Variants in CMSS1 observed in about 807,000 individuals in gnomAD.
CMSS1 encodes cms1 ribosomal small subunit homolog.
In CMSS1, 33 loss-of-function variants were observed where a neutral mutation model predicts 43.5. The observed-to-expected ratio is 0.76, with a 90% CI of 0.57 to 1.01. The LOEUF (loss-of-function observed/expected upper bound fraction) is 1.01. Ranked by LOEUF, CMSS1 falls within the 50% of genes least tolerant of loss-of-function variation. CMSS1 has a pLI of 0.00. For synonymous variants in CMSS1, 115 were observed against 117.2 expected (o/e 0.98, Z 0.12); for missense variants, 313 against 326.4 (o/e 0.96, Z 0.32).
At position 99,880,140 on chromosome 3, in the gene CMSS1, A is replaced by G. The variant is rs561456171; in HGVS notation, c.64+62097A>G. On this transcript the variant is annotated intron_variant, in intron 1 of 9. Transcript: ENST00000421999. The stretch of plus-strand genomic sequence containing the variant: ...CTGAAGGGACCTGTAGGCAACTGTG[A>G]ATGTGGAGCCAAAGGGGATGTCTGT... 2.0e-5 allele frequency among the ~76,000 whole-genome samples: 3 copies of G among 152,234 alleles called. No individual in the cohort carries two copies. In the South Asian group the frequency reaches 6.2e-4, roughly 32 times the overall value.
chr3:99,827,049 T>C (rs1390272910), intron 1 of CMSS1, among the ~76,000 whole-genome samples: 1 of 152,238 alleles, frequency 6.6e-6, no homozygotes, highest in South Asian at 2.1e-4. Flanking sequence ...TTGTGTTACA[T>C]ATAGGTCAGA....
rs755088218 is a variant in CMSS1 at position 99,848,935 on chromosome 3, G to A, written c.64+30892G>A. On this transcript the variant is annotated intron_variant, in intron 1 of 9. Transcript: ENST00000421999. ...TGGACTTGTGATTTCAAGAGTGGCT[G>A]TGTTTTGTACATGGTCTGGAGTAAC... 3 of 1,614,180 alleles carry A rather than the reference G, an allele frequency of 1.9e-6. No homozygotes were observed. In the South Asian group the frequency reaches 3.3e-5, roughly 18 times the overall value.
intron 5 of CMSS1, among the ~76,000 whole-genome samples, chr3:100,167,071 C>T (rs1251726928): frequency 6.6e-6 from 1 of 152,074 alleles, no homozygotes; most frequent in African/African-American, 2.4e-5. Flanking sequence ...TATATGTAGC[C>T]AGCAGTAATT....
At chr3:99,898,611 C>CA in intron 1 of CMSS1, 1 of 191,494 alleles carries the variant, frequency 5.2e-6, no homozygotes, top group Non-Finnish European at 1.1e-5. Flanking sequence ...TACAAAAATA[C>CA]AAAAACTAGC....
intron 1 of CMSS1, among the ~76,000 whole-genome samples, chr3:100,006,516 A>G (rs1709990961): frequency 6.6e-6 from 1 of 152,096 alleles, no homozygotes; most frequent in African/African-American, 2.4e-5. Flanking sequence ...CCTTTTAAAA[A>G]AAGTATTTTT....
At chr3:100,164,171 T>C (rs16841958) in intron 4 of CMSS1, among the ~76,000 whole-genome samples, 4,135 of 152,308 alleles carry the variant, frequency 0.027, 126 homozygotes, top group East Asian at 0.17. Flanking sequence ...CCACGGCCTC[T>C]GCTGTGAAAA....
intron 2 of CMSS1, among the ~76,000 whole-genome samples, chr3:100,152,095 A>G (rs1284298364): frequency 6.6e-6 from 1 of 152,196 alleles, no homozygotes; most frequent in Non-Finnish European, 1.5e-5. Context: ...AAGGCCATCC[A>G]AGCAAATATC....
At chr3:100,086,994 A>G (rs865977829) in intron 1 of CMSS1, among the ~76,000 whole-genome samples, 5 of 152,220 alleles carry the variant, frequency 3.3e-5, no homozygotes, top group Non-Finnish European at 7.4e-5. Context: ...AGCAGAATGT[A>G]CTTGAGATAC....
At chr3:100,093,110 A>G (rs1455640605) in intron 1 of CMSS1, among the ~76,000 whole-genome samples, 1 of 152,142 alleles carries the variant, frequency 6.6e-6, no homozygotes, top group Non-Finnish European at 1.5e-5. Flanking sequence ...TTTAAAAGAA[A>G]AGGTTAGCTC....
intron 1 of CMSS1, among the ~76,000 whole-genome samples, chr3:99,905,819 A>G (rs1220712185): frequency 2.0e-5 from 3 of 152,238 alleles, no homozygotes; most frequent in Admixed American, 6.5e-5. Context: ...AACTTCATAT[A>G]AATGGAATTT....
intron 1 of CMSS1, among the ~76,000 whole-genome samples, chr3:100,115,986 A>G (rs2066564718): frequency 6.6e-6 from 1 of 152,178 alleles, no homozygotes; most frequent in Non-Finnish European, 1.5e-5. Context: ...TACGTTTTGT[A>G]GAATGTTCCT....
intron 1 of CMSS1, among the ~76,000 whole-genome samples, chr3:99,855,539 G>A (rs1331260441): frequency 2.0e-5 from 3 of 152,110 alleles, no homozygotes; most frequent in African/African-American, 7.2e-5. Context: ...GGCTCACAAA[G>A]GTCAAGAAGG....
intron 1 of CMSS1, among the ~76,000 whole-genome samples, chr3:99,949,514 C>T (rs1303906413): frequency 6.6e-6 from 1 of 152,140 alleles, no homozygotes; most frequent in African/African-American, 2.4e-5. Context: ...CAATTTTACT[C>T]GCAGTACGTT....
chr3:100,047,796 G>A (rs921721135), intron 1 of CMSS1, among the ~76,000 whole-genome samples: 1 of 151,964 alleles, frequency 6.6e-6, no homozygotes, highest in African/African-American at 2.4e-5. Flanking sequence ...GTGGCTGTGC[G>A]TCTGGGCCTC....
chr3:100,160,632 G>A, intron 3 of CMSS1, 131 bp downstream of exon 3: 1 of 581,636 alleles, frequency 1.7e-6, no homozygotes, highest in African/African-American at 1.9e-5. Context: ...ATTCTTTGAG[G>A]TTTGGTGACT....
intron 1 of CMSS1, among the ~76,000 whole-genome samples, chr3:100,016,040 C>CT (rs912663073): frequency 6.6e-6 from 1 of 151,898 alleles, no homozygotes; most frequent in African/African-American, 2.4e-5. Flanking sequence ...ATAATTTAAC[C>CT]TTTTTTAGAT....
chr3:99,864,557 G>A (rs775484747), intron 1 of CMSS1, among the ~76,000 whole-genome samples: 6 of 152,054 alleles, frequency 3.9e-5, no homozygotes, highest in Non-Finnish European at 5.9e-5. Flanking sequence ...GCTACATGCC[G>A]GAAACCCCAG....
At chr3:99,864,242 C>G (rs1230137216) in intron 1 of CMSS1, among the ~76,000 whole-genome samples, 1 of 151,958 alleles carries the variant, frequency 6.6e-6, no homozygotes, top group Non-Finnish European at 1.5e-5. Context: ...AACTGAGGCC[C>G]AGGCAGATTA....
intron 1 of CMSS1, among the ~76,000 whole-genome samples, chr3:99,820,200 CT>C (rs1185435079): frequency 2.5e-3 from 364 of 144,344 alleles, no homozygotes; most frequent in African/African-American, 2.5e-3. Flanking sequence ...AAGACTAACC[CT>C]TTTTTTTTTT....
Sources: allele counts gnomAD v4.1 joint callset (sites outside exome capture counted in the v4.1 genomes callset), GRCh38; gene constraint gnomAD v4.1.1; transcripts MANE v1.5; gene names NCBI Gene and HGNC (gene_info 2026-07-23, HGNC 2026-07-21).